The following AP4S1 variants were observed in gnomAD, a reference collection of about 807,000 sequenced individuals.
AP4S1 encodes AP-4 complex subunit sigma-1.
In AP4S1, 23 loss-of-function variants were observed where a neutral mutation model predicts 19.8. The ratio of observed to expected loss-of-function variants is 1.16; its 90% confidence interval spans 0.84 to 1.65. AP4S1 has a LOEUF of 1.65. Among genes scored for constraint, AP4S1 ranks in the 40% most tolerant of loss-of-function variants. The probability of loss-of-function intolerance (pLI) is 0.00; values close to 1 mark genes in which losing one functional copy is unlikely to be tolerated. For missense variants in AP4S1, 166 were observed against 172.8 expected, an observed-to-expected ratio of 0.96 and a Z score of 0.22; for synonymous variants, 46 against 54.1, an observed-to-expected ratio of 0.85 and a Z score of 0.66.
At chr14:31,055,918 A>G (rs1886087173) in intron 1 of AP4S1, among the ~76,000 whole-genome samples, 1 of 148,580 alleles carries the variant, frequency 6.7e-6, no homozygotes, top group Non-Finnish European at 1.5e-5. Context: ...ATCTCGACTC[A>G]CTGCAACCTC....
At chr14:31,088,628 T>C (rs1439928686) in intron 5 of AP4S1, among the ~76,000 whole-genome samples, 1 of 151,518 alleles carries the variant, frequency 6.6e-6, no homozygotes, top group African/African-American at 2.4e-5. Flanking sequence ...GCCAACATGG[T>C]GAAACCTCAC....
At chr14:31,058,092 T>C (rs1183373082) in intron 1 of AP4S1, among the ~76,000 whole-genome samples, 1 of 142,964 alleles carries the variant, frequency 7.0e-6, no homozygotes, top group Admixed American at 7.1e-5. Context: ...TCTTGTTTTT[T>C]CGCTTGTTTG....
intron 1 of AP4S1, among the ~76,000 whole-genome samples, chr14:31,042,507 A>G (rs945392430): frequency 6.6e-6 from 1 of 152,036 alleles, no homozygotes; most frequent in Non-Finnish European, 1.5e-5. Context: ...TTGACAGTCT[A>G]CTCTCAATGT....
Position 31,025,682 on chromosome 14 carries a change from C to T in AP4S1, c.-177C>T, listed in dbSNP as rs540507486. 8.6e-6 allele frequency: 6 copies of T among 699,636 alleles called. No individual in the cohort carries two copies. The highest frequency in any genetic ancestry group is 7.4e-5 in the African/African-American group (4 of 53,978). 43.3% of individuals were successfully genotyped at this position (699,636 alleles called of 1,614,324 possible). ...CCAAAATGGCTGCCCCGAGGAGGCCCGCACCGCGTAGCCAGTGAAGGTTGG... is the reference window on the plus strand; with the variant it reads ...CCAAAATGGCTGCCCCGAGGAGGCCTGCACCGCGTAGCCAGTGAAGGTTGG... On this transcript the variant is annotated 5_prime_UTR_variant, in exon 1 of 6. Coordinates refer to ENST00000542754, the MANE Select transcript of AP4S1 (RefSeq NM_001128126.3).
At chr14:31,037,523 T>C (rs746493886) in intron 1 of AP4S1, among the ~76,000 whole-genome samples, 35 of 152,318 alleles carry the variant, frequency 2.3e-4, no homozygotes, top group Admixed American at 5.9e-4. Flanking sequence ...TGAAATATTT[T>C]CATCCGACCA....
chr14:31,082,702 C>G (rs1451707597), intron 5 of AP4S1, among the ~76,000 whole-genome samples: 1 of 152,028 alleles, frequency 6.6e-6, no homozygotes, highest in Non-Finnish European at 1.5e-5. Flanking sequence ...CGAGACCATC[C>G]TGGCTAACAA....
chr14:31,073,452 T>A (rs549848053), intron 4 of AP4S1, among the ~76,000 whole-genome samples: 1 of 144,200 alleles, frequency 6.9e-6, no homozygotes, highest in East Asian at 2.1e-4. Flanking sequence ...ATCCCGCCAC[T>A]GCACTCCAGC....
At chr14:31,049,428 A>AATATATATATATATATATATATATAT (rs1182207910) in intron 1 of AP4S1, among the ~76,000 whole-genome samples, 1 of 57,768 alleles carries the variant, frequency 1.7e-5, no homozygotes, top group African/African-American at 7.9e-5. Context: ...AAAAAAAAAA[A>AATATATATATATATATATATATATAT]ATATATATAT....
At chr14:31,080,792 TC>T in intron 5 of AP4S1, 1 of 725,214 alleles carries the variant, frequency 1.4e-6, no homozygotes, top group Non-Finnish European at 2.4e-6. Context: ...TCTTTTTTTT[TC>T]TTTTTAAGAT....
chr14:31,092,519 G>A (rs762388615), intron 5 of AP4S1, among the ~76,000 whole-genome samples: 5 of 152,142 alleles, frequency 3.3e-5, no homozygotes, highest in African/African-American at 4.8e-5. Context: ...TGTCTGGAAC[G>A]GGAGTATTCA....
intron 3 of AP4S1, among the ~76,000 whole-genome samples, chr14:31,070,353 A>G (rs550351441): frequency 6.6e-6 from 1 of 152,228 alleles, no homozygotes; most frequent in African/African-American, 2.4e-5. Context: ...CAGTCTTCCC[A>G]TCTCAGCCAC....
chr14:31,070,042 TG>T (rs1886918567), intron 3 of AP4S1, 113 bp downstream of exon 3: 4 of 851,906 alleles, frequency 4.7e-6, no homozygotes, highest in Non-Finnish European at 7.9e-6. Context: ...GTCACCAGTC[TG>T]GAGTGCCGTG....
intron 3 of AP4S1, among the ~76,000 whole-genome samples, chr14:31,071,908 T>TG (rs1301122099): frequency 5.6e-5 from 7 of 125,090 alleles, no homozygotes; most frequent in South Asian, 3.1e-4. Flanking sequence ...TTTATTTATT[T>TG]ATTTATTTAT....
At chr14:31,063,842 A>G (rs747849804) in intron 1 of AP4S1, among the ~76,000 whole-genome samples, 12 of 152,218 alleles carry the variant, frequency 7.9e-5, no homozygotes, top group Non-Finnish European at 1.5e-4. Flanking sequence ...TGAGATGCTA[A>G]CAATGGCCAT....
chr14:31,053,037 T>A (rs1434162113), intron 1 of AP4S1, among the ~76,000 whole-genome samples: 3 of 145,396 alleles, frequency 2.1e-5, no homozygotes, highest in Non-Finnish European at 3.0e-5. Context: ...GCCTCCTGGG[T>A]TCAAGTGATT....
intron 1 of AP4S1, among the ~76,000 whole-genome samples, chr14:31,060,319 C>G (rs1009951027): frequency 6.6e-6 from 1 of 151,932 alleles, no homozygotes. Flanking sequence ...TGAGTATGCA[C>G]GGATTTGGTT....
At chr14:31,061,313 G>A (rs1886425803) in intron 1 of AP4S1, among the ~76,000 whole-genome samples, 1 of 152,030 alleles carries the variant, frequency 6.6e-6, no homozygotes, top group Non-Finnish European at 1.5e-5. Context: ...GCCACCGCTT[G>A]CCTGGGCAGT....
At position 31,096,111 on chromosome 14, in the gene AP4S1, A is replaced by T. The variant is rs1490610570; in HGVS notation, c.*3076A>T. The T allele has an allele frequency of 6.6e-6, 1 of 151,028 alleles. No homozygotes were observed. Among genetic ancestry groups the T allele is most frequent in the African/African-American group, 2.4e-5 (1 of 41,020 alleles). The allele number at this position is 151,028 out of a possible 1,614,324, so 9.4% of individuals were successfully genotyped here. On this transcript the variant is annotated 3_prime_UTR_variant, in exon 6 of 6. Coordinates refer to ENST00000542754, the MANE Select transcript of AP4S1 (RefSeq NM_001128126.3). ...TCTCAAAAAAAAAAAAAAAAAAAAA[A>T]GTAGAAAGCAAGAAAGTGTCTCTGT...
chr14:31,043,051 T>C (rs1171598615), intron 1 of AP4S1, among the ~76,000 whole-genome samples: 1 of 151,938 alleles, frequency 6.6e-6, no homozygotes, highest in Non-Finnish European at 1.5e-5. Context: ...TGAAACCCTG[T>C]CTCTACTAAA....
Sources: allele counts gnomAD v4.1 joint callset (sites outside exome capture counted in the v4.1 genomes callset), GRCh38; gene constraint gnomAD v4.1.1; transcripts MANE v1.5; gene names NCBI Gene and HGNC (gene_info 2026-07-23, HGNC 2026-07-21).